Variants in C2CD3 observed in about 807,000 individuals in gnomAD.
C2CD3 encodes C2 domain containing 3 centriole elongation regulator, also known as C2 domain-containing protein 3.
Under a neutral mutation model 234.0 loss-of-function variants are expected in C2CD3, and 148 were observed. The observed-to-expected ratio is 0.63, with a 90% CI of 0.55 to 0.72. The LOEUF is 0.72. Ranked by LOEUF, C2CD3 falls within the 30% of genes least tolerant of loss-of-function variation. The pLI, the probability that C2CD3 is intolerant of heterozygous loss-of-function variation, is 0.00. For missense variants in C2CD3, 2,577 were observed against 2,811.5 expected, an observed-to-expected ratio of 0.92 and a Z score of 1.89; for synonymous variants, 1,000 against 1,035.4, an observed-to-expected ratio of 0.97 and a Z score of 0.66.
At chr11:74,158,942 A>C (rs566449448) in intron 3 of C2CD3, among the ~76,000 whole-genome samples, 4 of 152,318 alleles carry the variant, frequency 2.6e-5, no homozygotes, top group African/African-American at 7.2e-5. Context: ...AACAGTATGA[A>C]GGTTCCTCAC....
In C2CD3 at chr11:74,042,065, C is replaced by G. The variant is rs374175934; in HGVS notation, c.5649G>C (p.Leu1883=). The change falls in exon 29 of 33, where the codon CTG becomes CTC. Residue 1883 remains leucine (L), a synonymous_variant. Transcript: ENST00000334126. ...TSPLSSQTSI[L]TSLRKNLSEL... is the part of the protein sequence containing the mutation. ...CAGTAGAGCCTCACCTGAGAGAAGT[C>G]AGAATGGAGGTTTGGGAGGACAAAG... is the stretch of plus-strand genomic sequence containing the variant. The G allele has an allele frequency of 7.4e-6, 12 of 1,613,876 alleles. No homozygotes were observed. The highest frequency in any genetic ancestry group is 1.0e-5 in the Non-Finnish European group (12 of 1,179,952).
intron 20 of C2CD3, among the ~76,000 whole-genome samples, chr11:74,090,202 C>T (rs911892148): frequency 1.3e-5 from 2 of 152,060 alleles, no homozygotes; most frequent in Non-Finnish European, 2.9e-5. Context: ...GGTCTCATAG[C>T]CATTTTAAGG....
chr11:74,108,566 G>A (rs1590823901), intron 12 of C2CD3, among the ~76,000 whole-genome samples: 1 of 152,122 alleles, frequency 6.6e-6, no homozygotes, highest in Non-Finnish European at 1.5e-5. Flanking sequence ...CCTGCAAACA[G>A]GAAGTAGAAC....
rs375920052 is a variant in C2CD3 at position 74,048,201 on chromosome 11, T to C, written c.5495+4A>G. The C allele has an allele frequency of 1.8e-5, 29 of 1,612,302 alleles. No individual in the cohort carries two copies. In the African/African-American group the frequency reaches 3.5e-4, roughly 19 times the overall value. On this transcript the variant is annotated splice_donor_region_variant and intron_variant, in intron 28 of 32. Coordinates refer to ENST00000334126, the MANE Select transcript of C2CD3 (RefSeq NM_001286577.2). ...TTTCTTCTCATCATCAAGAATTCACTCACCTCCCAGGAGAGGAGAAATCAA... is the reference window on the plus strand; with the variant it reads ...TTTCTTCTCATCATCAAGAATTCACCCACCTCCCAGGAGAGGAGAAATCAA...
intron 20 of C2CD3, among the ~76,000 whole-genome samples, chr11:74,089,949 G>A (rs1955811559): frequency 1.3e-5 from 2 of 152,192 alleles, no homozygotes; most frequent in South Asian, 4.1e-4. Flanking sequence ...AATATTCAAG[G>A]CAGAGAGAAG....
chr11:74,156,056 A>G (rs1665286735), intron 3 of C2CD3, among the ~76,000 whole-genome samples: 1 of 151,996 alleles, frequency 6.6e-6, no homozygotes, highest in African/African-American at 2.4e-5. Context: ...TGGGCAGATC[A>G]TGAGGTCAGG....
chr11:74,155,662 A>G (rs1855964147), intron 3 of C2CD3, among the ~76,000 whole-genome samples: 1 of 152,174 alleles, frequency 6.6e-6, no homozygotes, highest in Non-Finnish European at 1.5e-5. Context: ...ATATTATTCC[A>G]TCTGTATAAA....
rs1018738438 is a variant in C2CD3, at chr11:74,013,464, G to A, written c.6983C>T (p.Ser2328Leu). The A allele has an allele frequency of 2.2e-5, 31 of 1,430,894 alleles. No homozygotes were observed. The African/African-American group carries it at 2.8e-4, about 13-fold the overall frequency. 88.6% of individuals were successfully genotyped at this position (1,430,894 alleles called of 1,614,324 possible). Reference sequence around the variant, plus strand: ...TTCCTCAGGCAGGTTGAGGGGGAGCGAGTTAGGTCTGGGGCGACAAGGCCT... The same window carrying A: ...TTCCTCAGGCAGGTTGAGGGGGAGCAAGTTAGGTCTGGGGCGACAAGGCCT... ...SQRPCRPRPN[S>L]LPLNLPEEET... Residue 2328 changes from serine (S) to leucine (L), a missense_variant, in exon 33 of 33, where the codon TCG becomes TTG. Coordinates refer to ENST00000334126, the MANE Select transcript of C2CD3 (RefSeq NM_001286577.2).
rs1034714281 is a variant in C2CD3 at position 74,034,253 on chromosome 11, C to T, written c.5907G>A (p.Ser1969=). ...ITDLQTITRD[S]QAALSSHRAR... ...CTCGGTGAGAACTCAAAGCTGCTTG[C>T]GAATCCCTGGTGATAGTCTGCAGAT... Residue 1969 remains serine (S), a synonymous_variant, in exon 31 of 33, where the codon TCG becomes TCA. Transcript: ENST00000334126. The T allele has an allele frequency of 2.4e-5, 37 of 1,535,692 alleles. No individual in the cohort carries two copies. Among genetic ancestry groups the T allele is most frequent in the Non-Finnish European group, 2.7e-5 (31 of 1,146,720 alleles).
rs759415122 is a variant in C2CD3 at position 74,044,451 on chromosome 11, C to CAAAA, written c.5496-2237_5496-2234dup. Among the ~76,000 whole-genome samples, 441 of 124,134 alleles carry CAAAA rather than the reference C, an allele frequency of 3.6e-3. 2 individuals carry two copies. The Middle Eastern group carries it at 0.04, about 11-fold the overall frequency. 81.4% of individuals were successfully genotyped at this position (124,134 alleles called of 152,430 possible). A position where few individuals can be genotyped will look rare whatever the true frequency, so the allele number is the denominator to read the frequency against. On this transcript the variant is annotated intron_variant, in intron 28 of 32. Transcript: ENST00000334126. ...GCCTGGCAACACAGCAAGACTGTCT[C>CAAAA]AAAAAAAAAAAAAAGAGCTATAATT...
intron 3 of C2CD3, among the ~76,000 whole-genome samples, chr11:74,145,356 T>C (rs1303358564): frequency 6.6e-6 from 1 of 152,234 alleles, no homozygotes; most frequent in Non-Finnish European, 1.5e-5. Context: ...GGCGCATGTA[T>C]GTCTTCTTTT....
chr11:74,165,520 A>G (rs1055122607), intron 2 of C2CD3, among the ~76,000 whole-genome samples: 6 of 152,228 alleles, frequency 3.9e-5, no homozygotes, highest in African/African-American at 1.4e-4. Context: ...TATGTACACA[A>G]AAGAGTAAAT....
At chr11:74,075,042 C>T (rs989731957) in intron 23 of C2CD3, among the ~76,000 whole-genome samples, 1 of 152,106 alleles carries the variant, frequency 6.6e-6, no homozygotes, top group Non-Finnish European at 1.5e-5. Flanking sequence ...CATGACTGCG[C>T]CACTGCACTC....
At chr11:74,025,531 A>G (rs1045935011) in intron 32 of C2CD3, among the ~76,000 whole-genome samples, 1 of 152,164 alleles carries the variant, frequency 6.6e-6, no homozygotes, top group African/African-American at 2.4e-5. Flanking sequence ...CAAAGGCAAA[A>G]ACACAAAAGC....
At position 74,048,214 on chromosome 11, in the gene C2CD3, G is replaced by A; in HGVS notation, c.5486C>T (p.Ser1829Phe). 6.2e-7 allele frequency: 1 copy of A among 1,613,286 alleles called. No homozygotes were observed. Among genetic ancestry groups the A allele is most frequent in the Non-Finnish European group, 8.5e-7 (1 of 1,179,658 alleles). ...TCAAGAATTCACTCACCTCCCAGGA[G>A]AGGAGAAATCAAGCTCCTTTGAGGA... ...HASSKELDFS[S>F]PGRSDTTRSQ... is the part of the protein sequence containing the mutation. Residue 1829 changes from serine to phenylalanine, a missense_variant, in exon 28 of 33, where the codon TCT becomes TTT. Ser to Phe is a radical substitution (Grantham distance 155). Coordinates refer to ENST00000334126, the MANE Select transcript of C2CD3 (RefSeq NM_001286577.2).
intron 24 of C2CD3, among the ~76,000 whole-genome samples, chr11:74,064,461 AG>A (rs1039536239): frequency 1.3e-5 from 2 of 152,260 alleles, no homozygotes; most frequent in Admixed American, 6.5e-5. Flanking sequence ...GCTCATAGAT[AG>A]GAAGAATCAA....
At chr11:74,050,641 C>T (rs1315888449) in intron 26 of C2CD3, among the ~76,000 whole-genome samples, 3 of 152,180 alleles carry the variant, frequency 2.0e-5, no homozygotes, top group Non-Finnish European at 2.9e-5. Context: ...GAGGAGTAAT[C>T]GTGAAGTTCC....
rs748555463 is a variant in C2CD3 at position 74,170,807 on chromosome 11, C to T, written c.-15G>A. 6 of 1,614,120 alleles carry T rather than the reference C, an allele frequency of 3.7e-6. No homozygotes were observed. In the Admixed American group the frequency reaches 5.0e-5, roughly 13 times the overall value. On this transcript the variant is annotated 5_prime_UTR_variant, in exon 1 of 33. Transcript: ENST00000334126. ...CGTTGTTTCATGATGAGCCCGAGCTCTTCTTCACCAGCTCAACTCCGTCTC... is the reference window on the plus strand; with the variant it reads ...CGTTGTTTCATGATGAGCCCGAGCTTTTCTTCACCAGCTCAACTCCGTCTC...
chr11:74,147,280 G>A (rs1174511670), intron 3 of C2CD3, among the ~76,000 whole-genome samples: 1 of 152,092 alleles, frequency 6.6e-6, no homozygotes, highest in East Asian at 1.9e-4. Flanking sequence ...GCCAGGTGTC[G>A]TGGTGTGCAC....
Sources: allele counts gnomAD v4.1 joint callset (sites outside exome capture counted in the v4.1 genomes callset), GRCh38; gene constraint gnomAD v4.1.1; transcripts MANE v1.5; gene names NCBI Gene and HGNC (gene_info 2026-07-23, HGNC 2026-07-21).